Variants in TTC6 observed in about 807,000 individuals in gnomAD.
TTC6 encodes the protein tetratricopeptide repeat domain 6, also known as tetratricopeptide repeat protein 6.
In TTC6, 172 loss-of-function variants were observed where a neutral mutation model predicts 210.4. The ratio of observed to expected loss-of-function variants is 0.82; its 90% CI spans 0.72 to 0.93. The LOEUF is 0.93. Ranked by LOEUF, TTC6 falls within the 40% of genes least tolerant of loss-of-function variation. The pLI, the probability that TTC6 is intolerant of heterozygous loss-of-function variation, is 0.00. For synonymous variants in TTC6, 804 were observed against 819.6 expected (o/e 0.98, Z 0.32); for missense variants, 2,414 against 2,318.1 (o/e 1.04, Z -0.85).
chr14:37,623,768 G>C (rs1181747158), intron 1 of TTC6, among the ~76,000 whole-genome samples: 1 of 152,170 alleles, frequency 6.6e-6, no homozygotes, highest in African/African-American at 2.4e-5. Flanking sequence ...CCATGCCCAG[G>C]ACAGCCCATT....
At chr14:37,724,934 A>C in exon 7 of TTC6, 1 of 1,529,224 alleles carries the variant, frequency 6.5e-7, no homozygotes, top group Non-Finnish European at 8.8e-7. Flanking sequence ...GTTGTTTTGG[A>C]ATACAGCTGC....
At chr14:37,686,057 T>TA in intron 3 of TTC6, among the ~76,000 whole-genome samples, 1 of 152,208 alleles carries the variant, frequency 6.6e-6, no homozygotes, top group African/African-American at 2.4e-5. Flanking sequence ...CTGAATATCA[T>TA]AAAAATGTTA....
chr14:37,768,654 A>C (rs2096007233), intron 14 of TTC6, among the ~76,000 whole-genome samples: 1 of 150,574 alleles, frequency 6.6e-6, no homozygotes, highest in Middle Eastern at 3.2e-3. Flanking sequence ...TTGATTTTGT[A>C]TCCTGAGACT....
chr14:37,748,240 C>T lies in TTC6; in HGVS notation c.2364-699C>T, dbSNP rs549277583. The stretch of plus-strand genomic sequence containing the variant: ...GAAACTAACTTTTCTTACTTTTGTT[C>T]TCCTAGTGTTCAGCACTAGGTATTT... On this transcript the variant is annotated intron_variant, in intron 10 of 30. Transcript: ENST00000553443. Among the ~76,000 whole-genome samples, 3 of 152,254 alleles carry T rather than the reference C, an allele frequency of 2.0e-5. No homozygotes were observed. The South Asian group carries it at 6.2e-4, about 32-fold the overall frequency.
At chr14:37,624,717 G>A (rs1215102556) in intron 1 of TTC6, among the ~76,000 whole-genome samples, 2 of 151,938 alleles carry the variant, frequency 1.3e-5, no homozygotes, top group African/African-American at 4.8e-5. Context: ...CACCTCCTGG[G>A]TTCACGCCAT....
In TTC6 at chr14:37,725,334, A is replaced by G. The variant is rs1285834667; in HGVS notation, c.1818+332A>G. On this transcript the variant is annotated intron_variant, in intron 7 of 30. Transcript: ENST00000553443. ...TGTGTATATATATATATATATATAT[A>G]TATATATATATATATATATATATAA... is the stretch of plus-strand genomic sequence containing the variant. Among the ~76,000 whole-genome samples the G allele has an allele frequency of 5.4e-5, 5 of 93,052 alleles. 1 individual carries two copies. Among genetic ancestry groups the G allele is most frequent in the Admixed American group, 1.1e-4 (1 of 9,316 alleles). The allele number at this position is 93,052 out of a possible 152,430, so 61.0% of individuals were successfully genotyped here.
chr14:37,715,798 C>T (rs1051405210), intron 6 of TTC6, among the ~76,000 whole-genome samples: 3 of 151,914 alleles, frequency 2.0e-5, no homozygotes, highest in African/African-American at 4.8e-5. Context: ...TAGAAGGAAA[C>T]GAAGAGAATT....
chr14:37,836,169 GT>G (rs1434322094), intron 29 of TTC6, among the ~76,000 whole-genome samples: 10 of 152,146 alleles, frequency 6.6e-5, no homozygotes, highest in African/African-American at 1.9e-4. Flanking sequence ...CTTCCATAAA[GT>G]CACTTGAATA....
chr14:37,792,826 GAGTA>G (rs2096083530), intron 17 of TTC6, among the ~76,000 whole-genome samples: 1 of 150,676 alleles, frequency 6.6e-6, no homozygotes, highest in African/African-American at 2.4e-5. Flanking sequence ...GTGTACAGGT[GAGTA>G]AGTAGGTTCA....
At chr14:37,724,206 C>A (rs1260896740) in intron 6 of TTC6, among the ~76,000 whole-genome samples, 2 of 151,812 alleles carry the variant, frequency 1.3e-5, no homozygotes, top group Non-Finnish European at 2.9e-5. Flanking sequence ...CTTCTTAATT[C>A]CATTTCTCTT....
chr14:37,763,677 CGTAATTTGA>C (rs1347731984), intron 14 of TTC6, among the ~76,000 whole-genome samples: 1 of 151,860 alleles, frequency 6.6e-6, no homozygotes, highest in Non-Finnish European at 1.5e-5. Flanking sequence ...TTCTTATTTT[CGTAATTTGA>C]GTCATCTTTT....
chr14:37,841,466 G>T, exon 30 of TTC6: 1 of 1,588,762 alleles, frequency 6.3e-7, no homozygotes, highest in Non-Finnish European at 8.5e-7. Flanking sequence ...CTTCTCAAAA[G>T]CTTTAAAATT....
At chr14:37,807,545 TC>T in intron 23 of TTC6, 85 bp downstream of exon 25, 1 of 1,215,998 alleles carries the variant, frequency 8.2e-7, no homozygotes. Flanking sequence ...TTACTTTTTT[TC>T]TATGTGGTTG....
intron 24 of TTC6, among the ~76,000 whole-genome samples, chr14:37,809,247 ATTTTTTTT>A (rs3062846): frequency 1.9e-5 from 2 of 102,620 alleles, no homozygotes; most frequent in African/African-American, 3.6e-5. Flanking sequence ...CATATGCAGA[ATTTTTTTT>A]TTTTTTTTTT....
At chr14:37,623,419 T>A (rs1472253620) in intron 1 of TTC6, among the ~76,000 whole-genome samples, 1 of 152,250 alleles carries the variant, frequency 6.6e-6, no homozygotes, top group Non-Finnish European at 1.5e-5. Context: ...GCATTTATAT[T>A]CTAAGAAGAT....
chr14:37,826,287 G>GGTCT lies in TTC6; in HGVS notation c.5072_5075dup (p.Gln1693SerfsTer5). 1 of 1,612,346 alleles carries GGTCT rather than the reference G, an allele frequency of 6.2e-7. No individual in the cohort carries two copies. The highest frequency in any genetic ancestry group is 8.5e-7 in the Non-Finnish European group (1 of 1,179,038). On this transcript the variant is annotated frameshift_variant, in exon 28 of 31. Coordinates refer to ENST00000553443, the Ensembl canonical transcript of TTC6. LOFTEE classifies it high-confidence loss of function. ...ACCTAGCCTATGAAGGAAGAGCTGT[G>GGTCT]GTCTGTCTTCAGATGGGTAATAATT... is the stretch of plus-strand genomic sequence containing the variant.
intron 14 of TTC6, among the ~76,000 whole-genome samples, chr14:37,778,019 GCTACAACACTTT>G (rs1333860974): frequency 1.3e-4 from 20 of 152,128 alleles, no homozygotes; most frequent in African/African-American, 4.8e-4. Context: ...CAGACCACTG[GCTACAACACTTT>G]GATGGGTGGT....
intron 20 of TTC6, 139 bp from the exon 23 acceptor site, chr14:37,804,541 C>T: frequency 1.7e-6 from 2 of 1,143,468 alleles, no homozygotes; most frequent in Non-Finnish European, 2.5e-6. Flanking sequence ...CCTGTAACTT[C>T]ACCAGGTCTG....
At chr14:37,628,454 T>C (rs1349252668) in intron 1 of TTC6, among the ~76,000 whole-genome samples, 1 of 152,148 alleles carries the variant, frequency 6.6e-6, no homozygotes, top group East Asian at 1.9e-4. Context: ...TTTGATGGGG[T>C]TGTTTTTTTT....
Sources: gnomAD v4.1 joint callset for allele counts (sites outside exome capture counted in the v4.1 genomes callset) on GRCh38, gnomAD v4.1.1 for gene constraint, MANE v1.5 for transcripts, NCBI Gene and HGNC (gene_info 2026-07-23, HGNC 2026-07-21) for gene names.